The following FRMD6 variants were observed in gnomAD, a reference collection of about 807,000 sequenced individuals.
FRMD6 encodes the protein FERM domain containing 6.
FRMD6 carries 37 observed loss-of-function variants against 73.2 expected under a neutral mutation model. That is an observed-to-expected ratio of 0.51 (90% CI 0.39 to 0.66). FRMD6 has a LOEUF of 0.66. FRMD6 is among the 30% of genes least tolerant of loss of function. FRMD6 has a pLI of 0.00. For missense variants in FRMD6, 714 were observed against 780.5 expected (o/e 0.91, Z 1.02); for synonymous variants, 273 against 282.2 (o/e 0.97, Z 0.33).
intron 1 of FRMD6, among the ~76,000 whole-genome samples, chr14:51,566,311 A>G (rs1444173387): frequency 6.6e-6 from 1 of 152,254 alleles, no homozygotes; most frequent in African/African-American, 2.4e-5. Flanking sequence ...TGTGACACAT[A>G]CATTTCCTCA....
chr14:51,709,633 A>AT (rs1566585793), intron 7 of FRMD6, among the ~76,000 whole-genome samples: 1 of 152,186 alleles, frequency 6.6e-6, no homozygotes, highest in Non-Finnish European at 1.5e-5. Flanking sequence ...ATTGAGTTCC[A>AT]TAAGATCTGT....
In FRMD6 at chr14:51,668,122, A is replaced by G. The variant is rs538971378; in HGVS notation, c.-147+16126A>G. ...AGGAAATTTTTAATCAGTATATTAT[A>G]GATACAGGGTCTAAATTAATTCACA... On this transcript the variant is annotated intron_variant, in intron 1 of 13. Coordinates refer to ENST00000344768, the MANE Select transcript of FRMD6 (RefSeq NM_001267046.2). 5.9e-5 allele frequency among the ~76,000 whole-genome samples: 9 copies of G among 152,340 alleles called. No homozygotes were observed. The East Asian group carries it at 1.3e-3, about 23-fold the overall frequency.
chr14:51,488,211 G>T (rs774690705), upstream of FRMD6, among the ~76,000 whole-genome samples: 8 of 152,164 alleles, frequency 5.3e-5, no homozygotes, highest in East Asian at 3.8e-4. Context: ...TGAAATTTTC[G>T]CAGTAATTTT....
At chr14:51,575,220 A>C (rs1872683480) in intron 2 of FRMD6, among the ~76,000 whole-genome samples, 1 of 152,226 alleles carries the variant, frequency 6.6e-6, no homozygotes, top group South Asian at 2.1e-4. Flanking sequence ...TTAATTTTAA[A>C]ATATGGCTTA....
At chr14:51,625,951 A>C (rs1891098269) in intron 2 of FRMD6, among the ~76,000 whole-genome samples, 1 of 152,242 alleles carries the variant, frequency 6.6e-6, no homozygotes, top group Non-Finnish European at 1.5e-5. Flanking sequence ...GAATAATCTA[A>C]GTGTAAAGCT....
intron 1 of FRMD6, among the ~76,000 whole-genome samples, chr14:51,679,466 G>A (rs1894644069): frequency 6.6e-6 from 1 of 150,850 alleles, no homozygotes; most frequent in Admixed American, 6.6e-5. Flanking sequence ...CAGTCATTGA[G>A]GATCACTTTC....
intron 1 of FRMD6, among the ~76,000 whole-genome samples, chr14:51,654,303 A>AG (rs1442428253): frequency 1.4e-5 from 1 of 70,888 alleles, no homozygotes; most frequent in Non-Finnish European, 3.0e-5. Context: ...GGTTAGCTGA[A>AG]TTGGGGGGGG....
intron 2 of FRMD6, chr14:51,638,092 T>C (rs1891652784): frequency 6.6e-6 from 1 of 152,252 alleles, no homozygotes; most frequent in African/African-American, 2.4e-5. Flanking sequence ...AGGACCAGCC[T>C]GGACAACACA....
chr14:51,480,357 C>T, the FRMD6 span, among the ~76,000 whole-genome samples: 1 of 152,126 alleles, frequency 6.6e-6, no homozygotes, highest in Non-Finnish European at 1.5e-5. Context: ...TTACGGGGAT[C>T]ACAGTTTATA....
chr14:51,428,442 G>A, the FRMD6 span, among the ~76,000 whole-genome samples: 6 of 152,272 alleles, frequency 3.9e-5, 1 homozygote, highest in Admixed American at 3.9e-4. Context: ...TATATGCTGC[G>A]TATATGGAGC....
chr14:51,641,236 C>T (rs1891796198), intron 2 of FRMD6, among the ~76,000 whole-genome samples: 1 of 152,220 alleles, frequency 6.6e-6, no homozygotes, highest in South Asian at 2.1e-4. Flanking sequence ...TCGCCTTAGC[C>T]TCCCAAAGTG....
At chr14:51,579,121 A>G (rs551065100) in intron 2 of FRMD6, 1 of 152,198 alleles carries the variant, frequency 6.6e-6, no homozygotes, top group East Asian at 1.9e-4. Flanking sequence ...CTCATAGAGG[A>G]AAACATAAGG....
At chr14:51,556,420 T>C (rs538769497) in intron 1 of FRMD6, among the ~76,000 whole-genome samples, 4 of 152,226 alleles carry the variant, frequency 2.6e-5, no homozygotes, top group African/African-American at 7.2e-5. Flanking sequence ...AATTTCACAT[T>C]GTGAGTAGGT....
At chr14:51,648,360 G>A (rs992350173), upstream of FRMD6, among the ~76,000 whole-genome samples, 18 of 152,136 alleles carry the variant, frequency 1.2e-4, no homozygotes, top group African/African-American at 4.1e-4. Flanking sequence ...TTAAAAGCAT[G>A]GCTCTGTGTG....
At chr14:51,583,465 G>A (rs1432270656) in intron 2 of FRMD6, among the ~76,000 whole-genome samples, 7 of 152,124 alleles carry the variant, frequency 4.6e-5, no homozygotes, top group East Asian at 1.9e-4. Context: ...TATTTAAAAC[G>A]TGTGAAATGT....
rs1896391415 is a variant in FRMD6, at chr14:51,702,606, G to C, written c.371+18G>C. 6.3e-7 allele frequency: 1 copy of C among 1,593,400 alleles called. No individual in the cohort carries two copies. Among genetic ancestry groups the C allele is most frequent in the East Asian group, 2.2e-5 (1 of 44,636 alleles). Reference sequence around the variant, plus strand: ...TTGATCAGGTAAGAGGACAGGGGGTGATTCTAAACGCTTTTTTTTCCCCCA... The same window carrying C: ...TTGATCAGGTAAGAGGACAGGGGGTCATTCTAAACGCTTTTTTTTCCCCCA... On this transcript the variant is annotated intron_variant, in intron 5 of 13. Transcript: ENST00000344768.
chr14:51,410,149 T>C, the FRMD6 span, among the ~76,000 whole-genome samples: 1 of 152,238 alleles, frequency 6.6e-6, no homozygotes, highest in Non-Finnish European at 1.5e-5. Flanking sequence ...GAATATTTGG[T>C]ATTTGGAGGA....
the FRMD6 span, among the ~76,000 whole-genome samples, chr14:51,413,465 C>T: frequency 3.9e-5 from 6 of 152,254 alleles, no homozygotes; most frequent in East Asian, 3.9e-4. Context: ...CATCTTCATC[C>T]GTGTCCCTGC....
chr14:51,505,280 A>G (rs963918069), intron 1 of FRMD6, among the ~76,000 whole-genome samples: 6 of 152,176 alleles, frequency 3.9e-5, no homozygotes, highest in Admixed American at 2.6e-4. Flanking sequence ...TATGTTGCCT[A>G]GGTTGGTCTC....
Sources: allele counts gnomAD v4.1 joint callset (sites outside exome capture counted in the v4.1 genomes callset), GRCh38; gene constraint gnomAD v4.1.1; transcripts MANE v1.5; gene names NCBI Gene and HGNC (gene_info 2026-07-23, HGNC 2026-07-21).